The following NTF3 variants were observed in gnomAD, a reference collection of about 807,000 sequenced individuals.
The protein encoded by NTF3 is neurotrophin-3.
In NTF3, 8 loss-of-function variants were observed where a neutral mutation model predicts 26.3. That is an observed-to-expected ratio of 0.30 (90% CI 0.18 to 0.55). The LOEUF is 0.55. Among genes scored for constraint, NTF3 ranks in the 20% least tolerant of loss-of-function variants. The pLI, the probability that NTF3 is intolerant of heterozygous loss-of-function variation, is 0.93. For missense variants in NTF3, 276 were observed against 352.9 expected (o/e 0.78, Z 1.75); for synonymous variants, 154 against 145.5 (o/e 1.06, Z -0.42).
intron 1 of NTF3, among the ~76,000 whole-genome samples, chr12:5,471,590 C>A (rs1591601639): frequency 6.6e-6 from 1 of 151,352 alleles, no homozygotes; most frequent in Non-Finnish European, 1.5e-5. Flanking sequence ...TGTGTCTGTG[C>A]GTTTAGGGGC....
chr12:5,442,694 G>C (rs546605558), intron 1 of NTF3, among the ~76,000 whole-genome samples: 1 of 152,112 alleles, frequency 6.6e-6, no homozygotes, highest in Admixed American at 6.5e-5. Context: ...AGAAACAGAC[G>C]TGGAGTCCTA....
At chr12:5,436,554 C>T (rs1940170947) in intron 1 of NTF3, among the ~76,000 whole-genome samples, 1 of 152,218 alleles carries the variant, frequency 6.6e-6, no homozygotes, top group Non-Finnish European at 1.5e-5. Context: ...GGAAAGTTCA[C>T]TCCTCTTTTC....
intron 1 of NTF3, among the ~76,000 whole-genome samples, chr12:5,488,433 C>A (rs921837454): frequency 6.6e-6 from 1 of 152,132 alleles, no homozygotes; most frequent in African/African-American, 2.4e-5. Flanking sequence ...AAAACCAGAC[C>A]AATCCCCAGC....
At chr12:5,441,572 G>A (rs17784533) in intron 1 of NTF3, among the ~76,000 whole-genome samples, 13,655 of 152,260 alleles carry the variant, frequency 0.09, 646 homozygotes, top group South Asian at 0.12. Flanking sequence ...AGCAGCCTGT[G>A]TTTAATTTGC....
In NTF3 at chr12:5,494,695, G is replaced by C; in HGVS notation, c.520G>C (p.Asp174His). 1 of 1,614,172 alleles carries C rather than the reference G, an allele frequency of 6.2e-7. No individual in the cohort carries two copies. Among genetic ancestry groups the C allele is most frequent in the African/African-American group, 1.3e-5 (1 of 75,042 alleles). ...VCDSESLWVT[D>H]KSSAIDIRGH... Reference sequence around the variant, plus strand: ...TGACAGTGAGAGTCTGTGGGTGACCGACAAGTCATCGGCCATCGACATTCG... The same window carrying C: ...TGACAGTGAGAGTCTGTGGGTGACCCACAAGTCATCGGCCATCGACATTCG... The change falls in exon 2 of 2, where the codon GAC becomes CAC. Residue 174 changes from aspartate to histidine, a missense_variant. This residue lies in a region of NTF3 where 221 missense variants were observed against 258.2 expected (regional missense o/e 0.86). Transcript: ENST00000423158. This position sits in a 1 kb window ranked among gnomAD's most constrained non-coding sequence, Gnocchi z 8.3.
chr12:5,472,583 GT>G (rs972500536), intron 1 of NTF3, among the ~76,000 whole-genome samples: 6 of 152,126 alleles, frequency 3.9e-5, no homozygotes, highest in African/African-American at 1.4e-4. Context: ...CAGAGCTTCT[GT>G]TACTCCAGCC....
intron 1 of NTF3, chr12:5,432,975 G>C (rs1264121473): frequency 1.3e-5 from 2 of 152,368 alleles, no homozygotes; most frequent in African/African-American, 4.8e-5. Flanking sequence ...CGTGGGCTGG[G>C]GGGAGGGGAC....
In NTF3 at chr12:5,432,896, C is replaced by T. The variant is rs1322454311; in HGVS notation, c.18+554C>T. On this transcript the variant is annotated intron_variant, in intron 1 of 1. Transcript: ENST00000423158. ...GGGAGGTGCCGCGGCAGCTCCCCTG[C>T]ACACGCCCTGCACTCTGCCGGCCGC... Among the ~76,000 whole-genome samples, 4 of 152,092 alleles carry T rather than the reference C, an allele frequency of 2.6e-5. No individual in the cohort carries two copies. In the East Asian group the frequency reaches 7.8e-4, roughly 30 times the overall value.
chr12:5,442,294 A>C (rs1314431067), intron 1 of NTF3, among the ~76,000 whole-genome samples: 1 of 152,190 alleles, frequency 6.6e-6, no homozygotes, highest in East Asian at 1.9e-4. Context: ...CCGCTTCCAC[A>C]TGACAGTGGT....
At chr12:5,451,505 A>T (rs1300501077) in intron 1 of NTF3, among the ~76,000 whole-genome samples, 1 of 152,226 alleles carries the variant, frequency 6.6e-6, no homozygotes, top group Non-Finnish European at 1.5e-5. Flanking sequence ...TCTGATTATG[A>T]AGTAAATATC....
chr12:5,452,819 C>T (rs562097038), intron 1 of NTF3, among the ~76,000 whole-genome samples: 1 of 152,310 alleles, frequency 6.6e-6, no homozygotes, highest in South Asian at 2.1e-4. Context: ...TTAGCTGATC[C>T]TCTAAGCATA....
intron 1 of NTF3, among the ~76,000 whole-genome samples, chr12:5,486,755 A>G (rs939933859): frequency 2.0e-5 from 3 of 152,194 alleles, no homozygotes; most frequent in African/African-American, 7.2e-5. Context: ...AGAAAATGAT[A>G]CCAAAATTGA....
At chr12:5,450,354 T>G (rs1426743013) in intron 1 of NTF3, among the ~76,000 whole-genome samples, 1 of 152,226 alleles carries the variant, frequency 6.6e-6, no homozygotes, top group Non-Finnish European at 1.5e-5. Flanking sequence ...ATATTACCTT[T>G]ATTAACTGAT....
At chr12:5,443,647 A>C (rs1479617552) in intron 1 of NTF3, among the ~76,000 whole-genome samples, 1 of 152,214 alleles carries the variant, frequency 6.6e-6, no homozygotes, top group African/African-American at 2.4e-5. Flanking sequence ...TCACATTAGA[A>C]TTCATTCCAT....
chr12:5,467,763 GT>G (rs1410798668), intron 1 of NTF3, among the ~76,000 whole-genome samples: 2 of 152,110 alleles, frequency 1.3e-5, no homozygotes, highest in Non-Finnish European at 2.9e-5. Context: ...TGTGATTATT[GT>G]TTTTTAAATG....
At chr12:5,435,886 T>C (rs1443964655) in intron 1 of NTF3, among the ~76,000 whole-genome samples, 1 of 152,124 alleles carries the variant, frequency 6.6e-6, no homozygotes. Flanking sequence ...GGGAGAAAAC[T>C]AGCGAGGTGG....
At chr12:5,448,452 C>T (rs1051892268) in intron 1 of NTF3, among the ~76,000 whole-genome samples, 1 of 152,240 alleles carries the variant, frequency 6.6e-6, no homozygotes, top group South Asian at 2.1e-4. Context: ...ATGTGGCTTC[C>T]GTGCTTGGCT....
At chr12:5,481,807 CAGAG>C (rs949754553) in intron 1 of NTF3, among the ~76,000 whole-genome samples, 5 of 146,300 alleles carry the variant, frequency 3.4e-5, no homozygotes, top group Non-Finnish European at 6.1e-5. Flanking sequence ...CACACTCATA[CAGAG>C]ACACATGCAC....
Position 5,438,141 on chromosome 12 carries a change from C to T in NTF3, c.18+5799C>T, listed in dbSNP as rs1370493284. Among the ~76,000 whole-genome samples, 7 of 148,174 alleles carry T rather than the reference C, an allele frequency of 4.7e-5. 1 individual carries two copies. The South Asian group carries it at 1.5e-3, about 32-fold the overall frequency. Reference sequence around the variant, plus strand: ...CATTCTTGCCTGGATGGATTTCTAACAAGATTGAGGCTGGACAAAAAAAAA... The same window carrying T: ...CATTCTTGCCTGGATGGATTTCTAATAAGATTGAGGCTGGACAAAAAAAAA... On this transcript the variant is annotated intron_variant, in intron 1 of 1. Coordinates refer to ENST00000423158, the MANE Select transcript of NTF3 (RefSeq NM_001102654.2).
Sources: gnomAD v4.1 joint callset for allele counts (sites outside exome capture counted in the v4.1 genomes callset) on GRCh38, gnomAD v4.1.1 for gene constraint, gnomAD v4.1.1 regional missense constraint, Gnocchi (gnomAD v3.1) non-coding constraint, MANE v1.5 for transcripts, NCBI Gene and HGNC (gene_info 2026-07-23, HGNC 2026-07-21) for gene names.